The following OSTM1 variants were observed in gnomAD, a reference collection of about 807,000 sequenced individuals.
The protein encoded by OSTM1 is osteopetrosis-associated transmembrane protein 1.
A neutral mutation model predicts 35.4 loss-of-function variants in OSTM1; 26 were observed. The observed-to-expected ratio is 0.73, with a 90% CI of 0.54 to 1.02. The LOEUF (loss-of-function observed/expected upper bound fraction) is 1.02. OSTM1 is among the 50% of genes least tolerant of loss of function. The pLI, the probability that OSTM1 is intolerant of heterozygous loss-of-function variation, is 0.00. For synonymous variants in OSTM1, 181 were observed against 165.0 expected (o/e 1.10, Z -0.75); for missense variants, 366 against 409.6 (o/e 0.89, Z 0.92).
At chr6:108,073,561 T>G (rs1269228876) in intron 1 of OSTM1, 1 of 152,266 alleles carries the variant, frequency 6.6e-6, no homozygotes, top group Non-Finnish European at 1.5e-5. Context: ...CTATGTGTTG[T>G]TTTCTAAAAC....
chr6:108,053,982 G>C (rs1437297256), intron 3 of OSTM1, among the ~76,000 whole-genome samples: 1 of 152,190 alleles, frequency 6.6e-6, no homozygotes, highest in African/African-American at 2.4e-5. Flanking sequence ...GTCAGAGATA[G>C]AGATGGCAAT....
Position 108,074,330 on chromosome 6 carries a change from G to C in OSTM1, c.322C>G (p.Pro108Ala). The change falls in exon 1 of 6, where the codon CCC (proline) becomes GCC (alanine). Residue 108 changes from proline to alanine, a missense_variant. This residue lies in a region of OSTM1 where 236 missense variants were observed against 239.3 expected (regional missense o/e 0.99). Coordinates refer to ENST00000193322, the MANE Select transcript of OSTM1 (RefSeq NM_014028.4). The stretch of plus-strand genomic sequence containing the variant: ...TAGCAGGTCTGACAGAGGCGCACGG[G>C]CCGGGCGCTGCGCACCAGACACCCT... ...LTGCLVRSAR[P>A]VRLCQTCYPL... 1 of 1,610,494 alleles carries C rather than the reference G, an allele frequency of 6.2e-7. No homozygotes were observed. Among genetic ancestry groups the C allele is most frequent in the Non-Finnish European group, 8.5e-7 (1 of 1,179,246 alleles).
At position 108,042,407 on chromosome 6, in the gene OSTM1, CTTTTTTCT is replaced by C. The variant is rs1376660747; in HGVS notation, c.*2370_*2377del. 6.4e-3 allele frequency: 793 copies of C among 123,194 alleles called. 6 individuals are homozygous for C. The highest frequency in any genetic ancestry group is 0.014 in the African/African-American group (458 of 31,856). 7.6% of individuals were successfully genotyped at this position (123,194 alleles called of 1,614,324 possible). ...CAAAATTTAAGACAGACAGTACTTT[CTTTTTTCT>C]TTTTTTTTTTTTTTTTTTGAGACAA... On this transcript the variant is annotated 3_prime_UTR_variant, in exon 6 of 6. Coordinates refer to ENST00000193322, the MANE Select transcript of OSTM1 (RefSeq NM_014028.4).
intron 5 of OSTM1, among the ~76,000 whole-genome samples, chr6:108,046,483 A>C (rs1771976220): frequency 6.7e-6 from 1 of 149,520 alleles, no homozygotes; most frequent in South Asian, 2.1e-4. Flanking sequence ...CTGGGACTAC[A>C]GGCGTCTGCC....
chr6:108,049,819 AAAAC>A (rs1213608714), intron 4 of OSTM1, among the ~76,000 whole-genome samples: 1 of 152,244 alleles, frequency 6.6e-6, no homozygotes, highest in South Asian at 2.1e-4. Context: ...TGGAGCAGTA[AAAAC>A]AAACAAAAAG....
At chr6:108,070,441 G>A (rs1401868829) in intron 1 of OSTM1, among the ~76,000 whole-genome samples, 1 of 152,052 alleles carries the variant, frequency 6.6e-6, no homozygotes, top group East Asian at 1.9e-4. Context: ...CCCATATAAG[G>A]TATTTTATTT....
chr6:108,067,637 T>C (rs1482587380), intron 1 of OSTM1, among the ~76,000 whole-genome samples: 1 of 151,802 alleles, frequency 6.6e-6, no homozygotes, highest in African/African-American at 2.4e-5. Flanking sequence ...TCGAGACCAG[T>C]CCAGCCAACC....
At chr6:108,066,551 T>C (rs962060475) in intron 1 of OSTM1, among the ~76,000 whole-genome samples, 5 of 152,196 alleles carry the variant, frequency 3.3e-5, no homozygotes, top group Admixed American at 1.3e-4. Context: ...CAAATCCTGC[T>C]GAGAGAACTG....
rs749243476 is a variant in OSTM1, at chr6:108,042,969, G to A, written c.*1816C>T. ...AAAAACTTACACACTTTAGGGTAGC[G>A]CTTAATACTTATCTTTGAAATCTAT... On this transcript the variant is annotated 3_prime_UTR_variant, in exon 6 of 6. Transcript: ENST00000193322. 6 of 152,064 alleles carry A rather than the reference G, an allele frequency of 3.9e-5. No homozygotes were observed. The highest frequency in any genetic ancestry group is 5.9e-5 in the Non-Finnish European group (4 of 68,030). The allele number at this position is 152,064 out of a possible 1,614,324, so 9.4% of individuals were successfully genotyped here.
chr6:108,046,160 C>T (rs1771967522), intron 5 of OSTM1, among the ~76,000 whole-genome samples: 1 of 142,728 alleles, frequency 7.0e-6, no homozygotes, highest in Admixed American at 7.2e-5. Flanking sequence ...CACCACCACG[C>T]CCAGCTAATT....
At chr6:108,065,995 T>C (rs1282863123) in intron 1 of OSTM1, among the ~76,000 whole-genome samples, 1 of 152,038 alleles carries the variant, frequency 6.6e-6, no homozygotes, top group Non-Finnish European at 1.5e-5. Flanking sequence ...GAGAAGAGGA[T>C]TCGAAAATAG....
chr6:108,064,236 C>A lies in OSTM1; in HGVS notation c.466G>T (p.Val156Leu), dbSNP rs1772339089. ...LLMADRMQIV[V>L]ILSEFFNTTW... ...GTATTAAAAAATTCTGAGAGAATCA[C>A]AACTATTTGCATTCTATCTGCCATT... is the stretch of plus-strand genomic sequence containing the variant. The change falls in exon 2 of 6, where the codon GTG becomes TTG. Residue 156 changes from valine to leucine, a missense_variant. By Grantham distance (32) the Val-to-Leu change is conservative (BLOSUM62 1). This residue lies in a region of OSTM1 where 236 missense variants were observed against 239.3 expected (regional missense o/e 0.99). Coordinates refer to ENST00000193322, the MANE Select transcript of OSTM1 (RefSeq NM_014028.4). 1.9e-6 allele frequency: 3 copies of A among 1,606,752 alleles called. No individual in the cohort carries two copies. The highest frequency in any genetic ancestry group is 2.6e-6 in the Non-Finnish European group (3 of 1,175,330).
chr6:108,053,192 C>A (rs970585385), intron 3 of OSTM1, among the ~76,000 whole-genome samples: 7 of 152,172 alleles, frequency 4.6e-5, no homozygotes, highest in African/African-American at 1.7e-4. Flanking sequence ...CAAACTCATA[C>A]AAGTACTCTA....
chr6:108,073,667 G>A (rs143595459), intron 1 of OSTM1: 1 of 153,880 alleles, frequency 6.5e-6, no homozygotes, highest in East Asian at 1.9e-4. Context: ...TGGAACTGGA[G>A]TCCTGGCCGC....
At chr6:108,054,444 T>C in intron 3 of OSTM1, 46 bp downstream of exon 3, 1 of 867,690 alleles carries the variant, frequency 1.2e-6, no homozygotes, top group South Asian at 1.6e-5. Context: ...ACATTATTCC[T>C]TTGTACAAGG....
At chr6:108,073,260 G>A (rs755693618) in intron 1 of OSTM1, among the ~76,000 whole-genome samples, 5 of 152,128 alleles carry the variant, frequency 3.3e-5, no homozygotes, top group East Asian at 3.9e-4. Flanking sequence ...TGCTGTCCCC[G>A]TAATACAAGA....
At chr6:108,073,868 C>A in intron 1 of OSTM1, 1 of 243,428 alleles carries the variant, frequency 4.1e-6, no homozygotes, top group East Asian at 9.1e-5. Context: ...GGCTACAAAG[C>A]TCAAATTTCT....
intron 1 of OSTM1, among the ~76,000 whole-genome samples, chr6:108,073,487 T>A (rs1772523386): frequency 1.3e-5 from 2 of 152,364 alleles, no homozygotes; most frequent in Non-Finnish European, 2.9e-5. Flanking sequence ...CCTTAAGGTA[T>A]GAAGAATGAA....
At chr6:108,066,552 G>A (rs757614798) in intron 1 of OSTM1, among the ~76,000 whole-genome samples, 1 of 152,186 alleles carries the variant, frequency 6.6e-6, no homozygotes, top group Non-Finnish European at 1.5e-5. Flanking sequence ...AAATCCTGCT[G>A]AGAGAACTGG....
Sources: allele counts gnomAD v4.1 joint callset (sites outside exome capture counted in the v4.1 genomes callset), GRCh38; gene constraint gnomAD v4.1.1; regional missense constraint gnomAD v4.1.1; transcripts MANE v1.5; gene names NCBI Gene and HGNC (gene_info 2026-07-23, HGNC 2026-07-21).